The following SLC9A9 variants were observed in gnomAD, a reference collection of about 807,000 sequenced individuals.
The protein encoded by SLC9A9 is sodium/hydrogen exchanger 9.
SLC9A9 carries 62 observed loss-of-function variants against 77.8 expected under a neutral mutation model. The observed-to-expected ratio is 0.80, with a 90% CI of 0.65 to 0.98. The LOEUF (loss-of-function observed/expected upper bound fraction) is 0.98. Ranked by LOEUF, SLC9A9 falls within the 50% of genes least tolerant of loss-of-function variation. The probability of loss-of-function intolerance (pLI) is 0.00; values close to 1 mark genes in which losing one functional copy is unlikely to be tolerated. For missense variants in SLC9A9, 775 were observed against 774.9 expected (o/e 1.00, Z 0.00); for synonymous variants, 320 against 283.5 (o/e 1.13, Z -1.29).
chr3:143,311,619 G>A (rs73868772), intron 14 of SLC9A9, among the ~76,000 whole-genome samples: 13 of 152,310 alleles, frequency 8.5e-5, no homozygotes, highest in African/African-American at 3.1e-4. Flanking sequence ...AGGTACAGTT[G>A]TATTAGAAGC....
chr3:143,442,172 G>A (rs757776438), intron 12 of SLC9A9, among the ~76,000 whole-genome samples: 24 of 152,282 alleles, frequency 1.6e-4, no homozygotes, highest in South Asian at 4.2e-4. Context: ...TAAGATCAAC[G>A]TAGAGCAAAA....
chr3:143,420,792 G>A (rs1312342178), intron 12 of SLC9A9, among the ~76,000 whole-genome samples: 1 of 152,136 alleles, frequency 6.6e-6, no homozygotes, highest in Non-Finnish European at 1.5e-5. Context: ...AATCAGGCAA[G>A]AGAAAGAAAT....
At chr3:143,266,993 CA>C in intron 15 of SLC9A9, 64 bp from the exon 16 acceptor site, 6 of 1,373,672 alleles carry the variant, frequency 4.4e-6, no homozygotes, top group African/African-American at 1.5e-5. Flanking sequence ...AGCAGTCCTA[CA>C]ATTTTTTTTT....
chr3:143,575,513 T>G (rs1559975192), intron 7 of SLC9A9, among the ~76,000 whole-genome samples: 3 of 151,162 alleles, frequency 2.0e-5, no homozygotes, highest in East Asian at 1.9e-4. Context: ...TAATTTTTGG[T>G]TTTTTTTGGT....
chr3:143,594,552 C>T (rs1466180136), intron 6 of SLC9A9, among the ~76,000 whole-genome samples: 1 of 152,004 alleles, frequency 6.6e-6, no homozygotes, highest in Non-Finnish European at 1.5e-5. Context: ...TGATCTGGTT[C>T]CAAGCTCTTC....
At chr3:143,431,787 C>A (rs146814554) in intron 12 of SLC9A9, among the ~76,000 whole-genome samples, 1 of 151,982 alleles carries the variant, frequency 6.6e-6, no homozygotes, top group Non-Finnish European at 1.5e-5. Context: ...ATCTTCCCAC[C>A]CCTCTTACTT....
At chr3:143,651,992 A>T (rs1429369077) in intron 6 of SLC9A9, among the ~76,000 whole-genome samples, 1 of 144,084 alleles carries the variant, frequency 6.9e-6, no homozygotes, top group African/African-American at 2.6e-5. Flanking sequence ...TTAGGAACCT[A>T]AGTGAATCAG....
At position 143,269,420 on chromosome 3, in the gene SLC9A9, T is replaced by C. The variant is rs374118162; in HGVS notation, c.1605-440A>G. Among the ~76,000 whole-genome samples the C allele has an allele frequency of 2.6e-5, 4 of 152,372 alleles. 1 individual carries two copies. Among genetic ancestry groups the C allele is most frequent in the Admixed American group, 1.3e-4 (2 of 15,310 alleles). ...AATGTTCAGTTATTTTAGAGCTAGGTAGTGAACATAGATTGTTTTCCAAAA... is the reference window on the plus strand; with the variant it reads ...AATGTTCAGTTATTTTAGAGCTAGGCAGTGAACATAGATTGTTTTCCAAAA... On this transcript the variant is annotated intron_variant, in intron 14 of 15. Coordinates refer to ENST00000316549, the MANE Select transcript of SLC9A9 (RefSeq NM_173653.4).
chr3:143,661,590 G>A (rs1056457044), intron 5 of SLC9A9, among the ~76,000 whole-genome samples: 2 of 152,116 alleles, frequency 1.3e-5, no homozygotes, highest in Non-Finnish European at 2.9e-5. Context: ...CCCTTTAATA[G>A]AGGTGTTGCC....
chr3:143,424,316 G>A (rs1213546151), intron 12 of SLC9A9, among the ~76,000 whole-genome samples: 1 of 149,954 alleles, frequency 6.7e-6, no homozygotes, highest in Non-Finnish European at 1.5e-5. Context: ...ACCCAGGCTG[G>A]AGTGCAGTAG....
At chr3:143,362,626 T>C (rs1166515121) in intron 14 of SLC9A9, among the ~76,000 whole-genome samples, 1 of 152,204 alleles carries the variant, frequency 6.6e-6, no homozygotes, top group African/African-American at 2.4e-5. Context: ...TTTAATCATT[T>C]TTGCTTAGGC....
rs114033643 is a variant in SLC9A9 at position 143,703,690 on chromosome 3, T to C, written c.534-10383A>G. Among the ~76,000 whole-genome samples, 1,133 of 152,080 alleles carry C rather than the reference T, an allele frequency of 7.5e-3. 8 individuals are homozygous for C. Among genetic ancestry groups the C allele is most frequent in the Non-Finnish European group, 0.011 (724 of 67,938 alleles). On this transcript the variant is annotated intron_variant, in intron 4 of 15. Coordinates refer to ENST00000316549, the MANE Select transcript of SLC9A9 (RefSeq NM_173653.4). The stretch of plus-strand genomic sequence containing the variant: ...AGAAAGAGCGAACCAAACCCAAAGT[T>C]AGTGGAATAAATGAAATAATAAAGA...
chr3:143,415,311 T>C (rs1258896364), intron 12 of SLC9A9, among the ~76,000 whole-genome samples: 1 of 152,180 alleles, frequency 6.6e-6, no homozygotes, highest in African/African-American at 2.4e-5. Flanking sequence ...CGGTCTTACG[T>C]TGGAAAAAGA....
chr3:143,706,385 C>A (rs556688872), intron 4 of SLC9A9, among the ~76,000 whole-genome samples: 18 of 152,148 alleles, frequency 1.2e-4, no homozygotes, highest in African/African-American at 4.3e-4. Flanking sequence ...GCTCCTGGAG[C>A]CCTGTTGTAG....
chr3:143,846,758 T>C (rs906496423), intron 1 of SLC9A9, among the ~76,000 whole-genome samples: 2 of 151,628 alleles, frequency 1.3e-5, no homozygotes, highest in Non-Finnish European at 2.9e-5. Flanking sequence ...ATTTGGGTTA[T>C]GTTTTTTTTC....
intron 5 of SLC9A9, among the ~76,000 whole-genome samples, chr3:143,663,312 C>G (rs1438691623): frequency 6.6e-6 from 1 of 152,162 alleles, no homozygotes; most frequent in East Asian, 1.9e-4. Context: ...ATCTGTAGGT[C>G]CCCATCATCA....
intron 4 of SLC9A9, among the ~76,000 whole-genome samples, chr3:143,704,600 T>C (rs1471321058): frequency 6.6e-6 from 1 of 152,142 alleles, no homozygotes; most frequent in Non-Finnish European, 1.5e-5. Context: ...AGAAAATCAG[T>C]ATATTGAAGT....
intron 8 of SLC9A9, 49 bp from the exon 9 acceptor site, chr3:143,552,499 C>T: frequency 6.6e-7 from 1 of 1,521,122 alleles, no homozygotes; most frequent in Non-Finnish European, 9.1e-7. Flanking sequence ...CTTTTCCATC[C>T]AAGTCAAAGG....
At chr3:143,667,776 C>A (rs2039093306) in intron 5 of SLC9A9, among the ~76,000 whole-genome samples, 1 of 152,186 alleles carries the variant, frequency 6.6e-6, no homozygotes, top group Admixed American at 6.5e-5. Flanking sequence ...ATCAAAACCA[C>A]AATGAGAGAA....
Sources: gnomAD v4.1 joint callset for allele counts (sites outside exome capture counted in the v4.1 genomes callset) on GRCh38, gnomAD v4.1.1 for gene constraint, MANE v1.5 for transcripts, NCBI Gene and HGNC (gene_info 2026-07-23, HGNC 2026-07-21) for gene names.